Variants in FBXL7 observed in about 807,000 individuals in gnomAD.
FBXL7 encodes the protein F-box and leucine rich repeat protein 7, also known as F-box/LRR-repeat protein 7.
Under a neutral mutation model 38.3 loss-of-function variants are expected in FBXL7, and 12 were observed. That is an observed-to-expected ratio of 0.31 (90% CI 0.20 to 0.51). The LOEUF is 0.51. Ranked by LOEUF, FBXL7 falls within the 20% of genes least tolerant of loss-of-function variation. The pLI is 0.98. For synonymous variants in FBXL7, 297 were observed against 300.9 expected (o/e 0.99, Z 0.13); for missense variants, 567 against 676.4 (o/e 0.84, Z 1.79).
chr5:15,611,790 C>T (rs886764886), intron 1 of FBXL7, among the ~76,000 whole-genome samples: 7 of 151,396 alleles, frequency 4.6e-5, no homozygotes, highest in Admixed American at 3.9e-4. Flanking sequence ...TGAGACCAGC[C>T]TGGGCAACAT....
chr5:15,919,965 AT>A (rs1741696608), intron 2 of FBXL7, among the ~76,000 whole-genome samples: 1 of 152,140 alleles, frequency 6.6e-6, no homozygotes, highest in Non-Finnish European at 1.5e-5. Context: ...TGGGGTAAAA[AT>A]ATTTGCTTTA....
At chr5:15,845,616 A>G (rs1738873376) in intron 2 of FBXL7, among the ~76,000 whole-genome samples, 1 of 152,218 alleles carries the variant, frequency 6.6e-6, no homozygotes, top group Non-Finnish European at 1.5e-5. Context: ...ATTAAACATT[A>G]TATCATTACT....
At chr5:15,871,649 G>T (rs531498196) in intron 2 of FBXL7, among the ~76,000 whole-genome samples, 1 of 152,178 alleles carries the variant, frequency 6.6e-6, no homozygotes, top group South Asian at 2.1e-4. Flanking sequence ...AGAACTTCGT[G>T]GAGCATACAC....
At chr5:15,917,493 A>G (rs1385268160) in intron 2 of FBXL7, among the ~76,000 whole-genome samples, 1 of 152,140 alleles carries the variant, frequency 6.6e-6, no homozygotes, top group East Asian at 1.9e-4. Context: ...CTGTAGTTCC[A>G]TCTACTCGGG....
intron 2 of FBXL7, among the ~76,000 whole-genome samples, chr5:15,658,644 C>G (rs1580439740): frequency 6.6e-6 from 1 of 152,174 alleles, no homozygotes; most frequent in South Asian, 2.1e-4. Context: ...TTTTTAAGGG[C>G]TTACAACTCT....
At chr5:15,716,172 C>T (rs1744039298) in intron 2 of FBXL7, among the ~76,000 whole-genome samples, 1 of 152,170 alleles carries the variant, frequency 6.6e-6, no homozygotes, top group South Asian at 2.1e-4. Context: ...ATTGCTAACG[C>T]TCTATTGTTT....
intron 1 of FBXL7, among the ~76,000 whole-genome samples, chr5:15,567,106 A>C (rs1738601169): frequency 6.6e-6 from 1 of 152,052 alleles, no homozygotes; most frequent in Non-Finnish European, 1.5e-5. Context: ...CTGAATTTTA[A>C]CTCTTCTAGC....
intron 2 of FBXL7, among the ~76,000 whole-genome samples, chr5:15,699,850 T>A (rs1041229438): frequency 6.6e-6 from 1 of 152,194 alleles, no homozygotes; most frequent in Non-Finnish European, 1.5e-5. Flanking sequence ...TAATTGATGT[T>A]CTGCTGAATG....
intron 1 of FBXL7, among the ~76,000 whole-genome samples, chr5:15,502,152 T>G (rs1255787244): frequency 6.6e-6 from 1 of 152,124 alleles, no homozygotes; most frequent in East Asian, 1.9e-4. Context: ...TGCTTGTCAG[T>G]TCTGGGTGTA....
intron 1 of FBXL7, among the ~76,000 whole-genome samples, chr5:15,536,853 T>C (rs942099705): frequency 6.6e-6 from 1 of 151,972 alleles, no homozygotes; most frequent in African/African-American, 2.4e-5. Flanking sequence ...CAGAGTGATA[T>C]GGTTTGGCTC....
chr5:15,588,729 G>A (rs1326732191), intron 1 of FBXL7, among the ~76,000 whole-genome samples: 3 of 152,094 alleles, frequency 2.0e-5, no homozygotes, highest in East Asian at 1.9e-4. Context: ...GTATGAAATC[G>A]GGATATTTGT....
chr5:15,886,377 T>C (rs1056023402), intron 2 of FBXL7, among the ~76,000 whole-genome samples: 4 of 152,142 alleles, frequency 2.6e-5, no homozygotes, highest in African/African-American at 9.7e-5. Flanking sequence ...GGTGGCCTTG[T>C]ATATTTACCT....
intron 2 of FBXL7, among the ~76,000 whole-genome samples, chr5:15,742,877 T>C (rs2126676853): frequency 6.6e-6 from 1 of 152,210 alleles, no homozygotes; most frequent in East Asian, 1.9e-4. Context: ...AGTAAACACA[T>C]CCTTCTTCAC....
chr5:15,887,138 A>ATTTGAC, intron 2 of FBXL7, among the ~76,000 whole-genome samples: 1 of 152,354 alleles, frequency 6.6e-6, no homozygotes, highest in Non-Finnish European at 1.5e-5. Context: ...AAACAACAGA[A>ATTTGAC]TAGTCAAGGC....
intron 1 of FBXL7, among the ~76,000 whole-genome samples, chr5:15,541,285 TA>T (rs1042910748): frequency 6.6e-6 from 1 of 151,384 alleles, no homozygotes; most frequent in African/African-American, 2.4e-5. Flanking sequence ...CATTTTGTTC[TA>T]ATGTAATTGT....
intron 2 of FBXL7, among the ~76,000 whole-genome samples, chr5:15,665,653 A>C (rs1199643551): frequency 6.6e-6 from 1 of 152,192 alleles, no homozygotes; most frequent in Non-Finnish European, 1.5e-5. Flanking sequence ...AATTAGCCCA[A>C]AATAAAAATA....
chr5:15,729,177 T>C (rs909981785), intron 2 of FBXL7, among the ~76,000 whole-genome samples: 14 of 152,286 alleles, frequency 9.2e-5, no homozygotes, highest in African/African-American at 3.1e-4. Flanking sequence ...CCAGGAAGGA[T>C]GACAAACATT....
At chr5:15,775,281 A>C (rs1736829854) in intron 2 of FBXL7, among the ~76,000 whole-genome samples, 1 of 152,182 alleles carries the variant, frequency 6.6e-6, no homozygotes, top group Non-Finnish European at 1.5e-5. Context: ...GCTGGAAAAT[A>C]CTACCTAATG....
intron 1 of FBXL7, among the ~76,000 whole-genome samples, chr5:15,559,132 C>T (rs1433800439): frequency 6.6e-6 from 1 of 152,070 alleles, no homozygotes; most frequent in Admixed American, 6.6e-5. Context: ...GAGAAGAATG[C>T]ACAGGAACAT....
Sources: allele counts gnomAD v4.1 joint callset (sites outside exome capture counted in the v4.1 genomes callset), GRCh38; gene constraint gnomAD v4.1.1; transcripts MANE v1.5; gene names NCBI Gene and HGNC (gene_info 2026-07-23, HGNC 2026-07-21).